Variants in SPRR2G observed in about 807,000 individuals in gnomAD.
SPRR2G encodes the protein small proline-rich protein 2G.
Under a neutral mutation model 0.7 loss-of-function variants are expected in SPRR2G, and 1 was observed. The observed-to-expected ratio is 1.49, with a 90% CI of 0.53 to 7.06. The LOEUF (loss-of-function observed/expected upper bound fraction) is 7.06. SPRR2G is among the 30% of genes most tolerant of loss of function. The pLI is 0.14. For missense variants in SPRR2G, 96 were observed against 88.5 expected (o/e 1.09, Z -0.34); for synonymous variants, 38 against 33.9 (o/e 1.12, Z -0.42).
the SPRR2G span, among the ~76,000 whole-genome samples, chr1:153,179,487 G>A: frequency 2.3e-4 from 35 of 151,990 alleles, no homozygotes; most frequent in Non-Finnish European, 2.9e-5. Flanking sequence ...ACAATGTCAC[G>A]CCTATCATTT....
At chr1:153,179,549 C>T in the SPRR2G span, among the ~76,000 whole-genome samples, 1 of 152,014 alleles carries the variant, frequency 6.6e-6, no homozygotes, top group Non-Finnish European at 1.5e-5. Context: ...TGTGAAGGTA[C>T]TCATGCCACA....
chr1:153,180,105 A>G, the SPRR2G span, among the ~76,000 whole-genome samples: 1 of 152,170 alleles, frequency 6.6e-6, no homozygotes, highest in Non-Finnish European at 1.5e-5. Flanking sequence ...ACTGACTAAA[A>G]TTGAAGTATA....
chr1:153,185,134 G>A, the SPRR2G span, among the ~76,000 whole-genome samples: 15 of 152,112 alleles, frequency 9.9e-5, no homozygotes, highest in Non-Finnish European at 1.8e-4. Context: ...TTTTCACATC[G>A]ATGTTCATCA....
At chr1:153,158,129 C>T in the SPRR2G span, among the ~76,000 whole-genome samples, 2 of 152,158 alleles carry the variant, frequency 1.3e-5, no homozygotes, top group African/African-American at 4.8e-5. Context: ...CAAAAACAGT[C>T]ACACCTTCCC....
the SPRR2G span, among the ~76,000 whole-genome samples, chr1:153,187,219 G>C: frequency 6.6e-6 from 1 of 152,114 alleles, no homozygotes; most frequent in South Asian, 2.1e-4. Flanking sequence ...GGTGTTCTCT[G>C]TATTTCCTGA....
the SPRR2G span, among the ~76,000 whole-genome samples, chr1:153,196,387 G>C: frequency 6.6e-6 from 1 of 152,316 alleles, no homozygotes; most frequent in East Asian, 1.9e-4. Context: ...GAATAAGGCA[G>C]AATTTCTTTC....
chr1:153,156,056 T>C, the SPRR2G span, among the ~76,000 whole-genome samples: 4,699 of 152,282 alleles, frequency 0.031, 240 homozygotes, highest in African/African-American at 0.11. Flanking sequence ...CATGATCCAA[T>C]ACCTGAAACA....
At chr1:153,177,073 C>T in the SPRR2G span, among the ~76,000 whole-genome samples, 1 of 152,054 alleles carries the variant, frequency 6.6e-6, no homozygotes, top group Non-Finnish European at 1.5e-5. Context: ...TTGTTAAGCA[C>T]GTTTTAATAT....
the SPRR2G span, among the ~76,000 whole-genome samples, chr1:153,193,196 G>A: frequency 6.6e-6 from 1 of 152,146 alleles, no homozygotes; most frequent in African/African-American, 2.4e-5. Flanking sequence ...CCTAGAAAGA[G>A]ACAGAATCCC....
chr1:153,167,221 TC>T, the SPRR2G span, among the ~76,000 whole-genome samples: 1 of 152,220 alleles, frequency 6.6e-6, no homozygotes, highest in Non-Finnish European at 1.5e-5. Flanking sequence ...ATGCCTGTAA[TC>T]CCAGCATTTT....
upstream of SPRR2G, among the ~76,000 whole-genome samples, chr1:153,152,954 C>A (rs1656502876): frequency 6.6e-6 from 1 of 151,444 alleles, no homozygotes; most frequent in South Asian, 2.1e-4. Flanking sequence ...GGTTTGCCAG[C>A]TTCACAAAGG....
chr1:153,155,888 A>G (rs192438134), upstream of SPRR2G, among the ~76,000 whole-genome samples: 1 of 152,232 alleles, frequency 6.6e-6, no homozygotes, highest in Non-Finnish European at 1.5e-5. Flanking sequence ...CTATTAGGGC[A>G]GGTGACCCTA....
the SPRR2G span, among the ~76,000 whole-genome samples, chr1:153,182,922 A>G: frequency 6.6e-6 from 1 of 152,066 alleles, no homozygotes; most frequent in East Asian, 1.9e-4. Flanking sequence ...GCTGGGTCAA[A>G]TGGTATTTCT....
chr1:153,158,201 C>T, the SPRR2G span, among the ~76,000 whole-genome samples: 6 of 152,320 alleles, frequency 3.9e-5, no homozygotes, highest in South Asian at 1.2e-3. Context: ...TCCAAAGTCT[C>T]ATCTGAGACA....
chr1:153,163,973 G>A, the SPRR2G span, among the ~76,000 whole-genome samples: 3,357 of 152,130 alleles, frequency 0.022, 111 homozygotes, highest in East Asian at 0.11. Flanking sequence ...ATATTTCTCA[G>A]TCCTCACCAA....
At chr1:153,161,974 T>G in the SPRR2G span, among the ~76,000 whole-genome samples, 6 of 151,502 alleles carry the variant, frequency 4.0e-5, no homozygotes. Context: ...CAATAGGGGG[T>G]TTTTGGTGGT....
the SPRR2G span, among the ~76,000 whole-genome samples, chr1:153,158,195 A>G: frequency 4.6e-5 from 7 of 152,180 alleles, no homozygotes; most frequent in Non-Finnish European, 7.3e-5. Context: ...TCCAAGTCCA[A>G]AGTCTCATCT....
chr1:153,170,725 A>G, the SPRR2G span, among the ~76,000 whole-genome samples: 4 of 152,314 alleles, frequency 2.6e-5, no homozygotes, highest in African/African-American at 7.2e-5. Flanking sequence ...TCAGGATCCC[A>G]CAGACCCACA....
At chr1:153,162,322 G>A in the SPRR2G span, among the ~76,000 whole-genome samples, 7 of 152,068 alleles carry the variant, frequency 4.6e-5, no homozygotes, top group Non-Finnish European at 7.4e-5. Context: ...TCCATGTTCC[G>A]GCAAAGCACA....
Sources: gnomAD v4.1 joint callset for allele counts (sites outside exome capture counted in the v4.1 genomes callset) on GRCh38, gnomAD v4.1.1 for gene constraint, MANE v1.5 for transcripts, NCBI Gene and HGNC (gene_info 2026-07-23, HGNC 2026-07-21) for gene names.